Variants in TMEM248 observed in about 807,000 individuals in gnomAD.
TMEM248 encodes the protein UPF0458 protein C7orf42.
In TMEM248, 9 loss-of-function variants were observed where a neutral mutation model predicts 30.3. That is an observed-to-expected ratio of 0.30 (90% CI 0.18 to 0.52). The LOEUF is 0.52. Among genes scored for constraint, TMEM248 ranks in the 20% least tolerant of loss-of-function variants. The pLI, the probability that TMEM248 is intolerant of heterozygous loss-of-function variation, is 0.97. For synonymous variants in TMEM248, 184 were observed against 154.4 expected, an observed-to-expected ratio of 1.19 and a Z score of -1.42; for missense variants, 338 against 403.3, an observed-to-expected ratio of 0.84 and a Z score of 1.39.
intron 2 of TMEM248, 54 bp from the exon 3 acceptor site, chr7:66,944,922 G>GTGGGAGACA: frequency 6.3e-7 from 1 of 1,589,684 alleles, no homozygotes; most frequent in Non-Finnish European, 8.6e-7. Context: ...TATTCCCGCA[G>GTGGGAGACA]TGGGAGACAG....
intron 5 of TMEM248, 71 bp from the exon 6 acceptor site, chr7:66,953,155 A>G: frequency 6.5e-7 from 1 of 1,546,024 alleles, no homozygotes; most frequent in Middle Eastern, 1.9e-4. Flanking sequence ...CCTGTCTCTC[A>G]AAACCCAGCA....
Position 66,944,306 on chromosome 7 carries a change from T to C in TMEM248, c.160-670T>C, listed in dbSNP as rs569603145. ...TTTTAGTAGAGACGTGGTTTCACCA[T>C]GTTGCTCAGGCTGGTCTCGAACTCC... is the stretch of plus-strand genomic sequence containing the variant. On this transcript the variant is annotated intron_variant, in intron 2 of 6. Transcript: ENST00000341567. Among the ~76,000 whole-genome samples the C allele has an allele frequency of 5.3e-5, 8 of 151,690 alleles. No individual in the cohort carries two copies. In the South Asian group the frequency reaches 1.5e-3, roughly 28 times the overall value.
At chr7:66,926,095 C>T (rs62465753) in intron 1 of TMEM248, among the ~76,000 whole-genome samples, 23,651 of 152,016 alleles carry the variant, frequency 0.16, 2,218 homozygotes, top group East Asian at 0.29. Context: ...GAGATGATAT[C>T]TCATTGTGAT....
rs545214008 is a variant in TMEM248, at chr7:66,948,837, G to A, written c.596+143G>A. 88 of 901,904 alleles carry A rather than the reference G, an allele frequency of 9.8e-5. 1 individual carries two copies. The Admixed American group carries it at 9.9e-4, about 10-fold the overall frequency. The allele number at this position is 901,904 out of a possible 1,614,324, so 55.9% of individuals were successfully genotyped here. On this transcript the variant is annotated intron_variant, in intron 4 of 6. Coordinates refer to ENST00000341567, the MANE Select transcript of TMEM248 (RefSeq NM_017994.5). ...TATCTCTACTCGGACCTATCTAAAG[G>A]ATTATTTAATTTGTCTAAAGGATTA...
chr7:66,925,632 G>A (rs945635047), intron 1 of TMEM248, among the ~76,000 whole-genome samples: 4 of 151,944 alleles, frequency 2.6e-5, no homozygotes, highest in African/African-American at 7.3e-5. Flanking sequence ...TTTCAATTTG[G>A]GGTAGTATAT....
chr7:66,940,900 C>A (rs913035794), intron 1 of TMEM248, among the ~76,000 whole-genome samples: 1 of 151,862 alleles, frequency 6.6e-6, no homozygotes, highest in Non-Finnish European at 1.5e-5. Context: ...ACATTACTGA[C>A]CCACCTAAAC....
At chr7:66,946,085 C>CA (rs34151581) in intron 3 of TMEM248, among the ~76,000 whole-genome samples, 13,808 of 104,012 alleles carry the variant, frequency 0.13, 865 homozygotes, top group Middle Eastern at 0.28. Context: ...ACTCTCTCTC[C>CA]AAAAAAAAAA....
At chr7:66,953,729 C>T (rs200116075) in intron 6 of TMEM248, among the ~76,000 whole-genome samples, 3 of 151,680 alleles carry the variant, frequency 2.0e-5, no homozygotes, top group East Asian at 3.9e-4. Flanking sequence ...CTCAGCCTCC[C>T]GAGGAGCTGG....
Position 66,955,902 on chromosome 7 carries a change from G to A in TMEM248, c.*380G>A. On this transcript the variant is annotated 3_prime_UTR_variant, in exon 7 of 7. Transcript: ENST00000341567. ...GGGGTTGAAGTTTGGTTTGGTTCTT[G>A]TTTCAGCCCAATATGTAGAGAACAT... is the stretch of plus-strand genomic sequence containing the variant. The A allele has an allele frequency of 4.5e-6, 1 of 223,004 alleles. No homozygotes were observed. The highest frequency in any genetic ancestry group is 1.1e-4 in the East Asian group (1 of 9,216). The allele number at this position is 223,004 out of a possible 1,614,324, so 13.8% of individuals were successfully genotyped here.
chr7:66,953,430 C>G lies in TMEM248; in HGVS notation c.924+61C>G. On this transcript the variant is annotated intron_variant, in intron 6 of 6. Transcript: ENST00000341567. ...TAGAGGTCTCTGTATACAGAAAGTC[C>G]CAGTTATCCTTATTCTATTTATTGT... The G allele has an allele frequency of 1.9e-6, 3 of 1,572,002 alleles. No homozygotes were observed. The South Asian group carries it at 3.5e-5, about 18-fold the overall frequency.
At chr7:66,929,228 A>G (rs1562937067) in intron 1 of TMEM248, among the ~76,000 whole-genome samples, 4 of 152,130 alleles carry the variant, frequency 2.6e-5, no homozygotes, top group Admixed American at 1.3e-4. Flanking sequence ...GCTGACTTCT[A>G]TATGCCTTAA....
chr7:66,932,424 G>A (rs922517705), intron 1 of TMEM248, among the ~76,000 whole-genome samples: 1 of 152,054 alleles, frequency 6.6e-6, no homozygotes, highest in Non-Finnish European at 1.5e-5. Flanking sequence ...TACGTAAAGC[G>A]CCTTCTGTTG....
intron 1 of TMEM248, among the ~76,000 whole-genome samples, chr7:66,939,245 CTG>C (rs1353792947): frequency 6.6e-6 from 1 of 152,218 alleles, no homozygotes; most frequent in African/African-American, 2.4e-5. Context: ...AGGCCCTACT[CTG>C]TGACTTTGTT....
chr7:66,926,449 G>A (rs1305202648), intron 1 of TMEM248, among the ~76,000 whole-genome samples: 1 of 152,112 alleles, frequency 6.6e-6, no homozygotes, highest in Non-Finnish European at 1.5e-5. Flanking sequence ...GTGAAACCCT[G>A]TCTCTACTAA....
rs377523539 is a variant in TMEM248, at chr7:66,924,342, C to G, written c.-19+2881C>G. 1.7e-3 allele frequency among the ~76,000 whole-genome samples: 256 copies of G among 152,328 alleles called. 11 individuals are homozygous for G. The South Asian group carries it at 0.052, about 31-fold the overall frequency. On this transcript the variant is annotated intron_variant, in intron 1 of 6. Coordinates refer to ENST00000341567, the MANE Select transcript of TMEM248 (RefSeq NM_017994.5). ...ATTCACACAGGATGCCATGTAATTG[C>G]TCTAGATGATATGACTGATCTCAGG... is the stretch of plus-strand genomic sequence containing the variant.
intron 4 of TMEM248, among the ~76,000 whole-genome samples, chr7:66,950,135 A>C (rs1053931542): frequency 1.7e-4 from 26 of 151,862 alleles, no homozygotes; most frequent in African/African-American, 6.0e-4. Context: ...CTGAGGCAGG[A>C]GAATCAGTTC....
chr7:66,945,373 G>C (rs41272927), intron 3 of TMEM248, 112 bp downstream of exon 3: 36 of 1,232,626 alleles, frequency 2.9e-5, no homozygotes, highest in Non-Finnish European at 4.1e-5. Flanking sequence ...AGTCTTGCGC[G>C]TGTCTTTTTT....
chr7:66,927,284 G>A (rs879378556), intron 1 of TMEM248, among the ~76,000 whole-genome samples: 3 of 152,018 alleles, frequency 2.0e-5, no homozygotes, highest in Non-Finnish European at 1.5e-5. Flanking sequence ...AGAAATAAAC[G>A]GGAAGTCTGA....
intron 4 of TMEM248, among the ~76,000 whole-genome samples, chr7:66,949,328 A>G (rs1792199943): frequency 6.6e-6 from 1 of 152,034 alleles, no homozygotes; most frequent in Admixed American, 6.6e-5. Context: ...CTCTACTAAA[A>G]ATATAAAAAT....
Sources: allele counts gnomAD v4.1 joint callset (sites outside exome capture counted in the v4.1 genomes callset), GRCh38; gene constraint gnomAD v4.1.1; transcripts MANE v1.5; gene names NCBI Gene and HGNC (gene_info 2026-07-23, HGNC 2026-07-21).